The following XRCC6 variants were observed in gnomAD, a reference collection of about 807,000 sequenced individuals.
The protein encoded by XRCC6 is X-ray repair cross complementing 6.
Under a neutral mutation model 65.7 loss-of-function variants are expected in XRCC6, and 5 were observed. That is an observed-to-expected ratio of 0.08 (90% CI 0.04 to 0.16). XRCC6 has a LOEUF of 0.16. Ranked by LOEUF, XRCC6 falls within the 10% of genes least tolerant of loss-of-function variation. XRCC6 has a pLI of 1.00. For missense variants in XRCC6, 447 were observed against 738.1 expected, an observed-to-expected ratio of 0.61 and a Z score of 4.57; for synonymous variants, 270 against 270.6, an observed-to-expected ratio of 1.00 and a Z score of 0.02.
intron 2 of XRCC6, 134 bp from the exon 3 acceptor site, chr22:41,627,984 G>A (rs1001534322): frequency 5.6e-6 from 3 of 533,364 alleles, no homozygotes; most frequent in Non-Finnish European, 3.2e-6. Context: ...TCCTGACATA[G>A]GTGGAGATTT....
Position 41,653,516 on chromosome 22 carries a change from T to C in XRCC6, c.1130-13T>C. The C allele has an allele frequency of 6.4e-7, 1 of 1,557,978 alleles. No homozygotes were observed. The highest frequency in any genetic ancestry group is 2.3e-5 in the East Asian group (1 of 43,750). ...TTTTTAGGAGGCTAGTCACTGGGCT[T>C]TTTGTTTTCTAGGGAGCTCAACCCT... is the stretch of plus-strand genomic sequence containing the variant. On this transcript the variant is annotated splice_polypyrimidine_tract_variant and intron_variant, in intron 8 of 12. Coordinates refer to ENST00000360079, the MANE Select transcript of XRCC6 (RefSeq NM_001469.5).
Position 41,622,102 on chromosome 22 carries a change from A to G in XRCC6, c.82+16A>G, listed in dbSNP as rs770865015. 3 of 1,613,748 alleles carry G rather than the reference A, an allele frequency of 1.9e-6. No homozygotes were observed. Among genetic ancestry groups the G allele is most frequent in the African/African-American group, 2.7e-5 (2 of 75,066 alleles). ...GAAGCAAGTGGTAAGTGACTTCAGCATGTAGTGCCATTCGGTGTGTGGAAG... is the reference window on the plus strand; with the variant it reads ...GAAGCAAGTGGTAAGTGACTTCAGCGTGTAGTGCCATTCGGTGTGTGGAAG... On this transcript the variant is annotated intron_variant, in intron 2 of 12. Coordinates refer to ENST00000360079, the MANE Select transcript of XRCC6 (RefSeq NM_001469.5).
intron 1 of XRCC6, 36 bp from the exon 2 acceptor site, chr22:41,621,951 TAAA>T: frequency 3.7e-6 from 6 of 1,602,496 alleles, no homozygotes; most frequent in Admixed American, 3.3e-5. Context: ...TTTTTCGATT[TAAA>T]TTTGCCTGTT....
intron 11 of XRCC6, among the ~76,000 whole-genome samples, chr22:41,659,524 G>A (rs2068080665): frequency 6.6e-6 from 1 of 151,624 alleles, no homozygotes. Flanking sequence ...GTTTTTATTA[G>A]TGATTGGGTT....
At chr22:41,635,435 T>G (rs58283133) in intron 3 of XRCC6, among the ~76,000 whole-genome samples, 1 of 152,206 alleles carries the variant, frequency 6.6e-6, no homozygotes, top group East Asian at 1.9e-4. Context: ...CTGTCCAAAT[T>G]CAGCCAGTTA....
intron 3 of XRCC6, among the ~76,000 whole-genome samples, chr22:41,629,535 C>G (rs1026815268): frequency 3.9e-5 from 6 of 152,116 alleles, no homozygotes; most frequent in African/African-American, 1.4e-4. Flanking sequence ...ACCTGAGGCA[C>G]AGGGAAGAGA....
At chr22:41,647,672 C>G (rs2067948031) in intron 7 of XRCC6, among the ~76,000 whole-genome samples, 1 of 152,066 alleles carries the variant, frequency 6.6e-6, no homozygotes, top group African/African-American at 2.4e-5. Flanking sequence ...CTTTGGCTTC[C>G]CGAAGTGCTG....
At chr22:41,649,616 A>G (rs1229954258) in intron 7 of XRCC6, among the ~76,000 whole-genome samples, 1 of 151,910 alleles carries the variant, frequency 6.6e-6, no homozygotes, top group Admixed American at 6.6e-5. Context: ...GCACTTTGGG[A>G]GGCTGAGGCG....
At chr22:41,643,820 CAA>C (rs1209911371) in intron 6 of XRCC6, among the ~76,000 whole-genome samples, 46 of 79,598 alleles carry the variant, frequency 5.8e-4, no homozygotes, top group Admixed American at 1.2e-3. Flanking sequence ...GACTCCATCT[CAA>C]AAAAAAAAAA....
At chr22:41,649,139 A>AAAAATATAT in intron 7 of XRCC6, among the ~76,000 whole-genome samples, 2 of 88,726 alleles carry the variant, frequency 2.3e-5, no homozygotes, top group Non-Finnish European at 4.1e-5. Flanking sequence ...AAAAAAAAAA[A>AAAAATATAT]ATATATATAT....
At position 41,622,074 on chromosome 22, in the gene XRCC6, C is replaced by T. The variant is rs1569075524; in HGVS notation, c.70C>T (p.Leu24Phe). ...AGCAGAGGAAGAACAAGAAGAGAAC[C>T]TTGAAGCAAGTGGTAAGTGACTTCA... Reference protein sequence around the residue: ...EEAEEEQEENLEASGDYKYSG... With the variant: ...EEAEEEQEENFEASGDYKYSG... Residue 24 changes from leucine to phenylalanine, a missense_variant, in exon 2 of 13, where the codon CTT becomes TTT. By Grantham distance (22) the Leu-to-Phe change is conservative. Transcript: ENST00000360079. 2 of 1,614,204 alleles carry T rather than the reference C, an allele frequency of 1.2e-6. No individual in the cohort carries two copies. The highest frequency in any genetic ancestry group is 2.2e-5 in the South Asian group (2 of 91,086).
intron 1 of XRCC6, chr22:41,621,651 C>T (rs2067606211): frequency 4.7e-6 from 1 of 214,104 alleles, no homozygotes. Context: ...GGTTTTTGGG[C>T]GGTATTGAGG....
chr22:41,653,572 G>A lies in XRCC6; in HGVS notation c.1173G>A (p.Glu391=), dbSNP rs538452833. 9.9e-6 allele frequency: 16 copies of A among 1,613,954 alleles called. No individual in the cohort carries two copies. In the African/African-American group the frequency reaches 2.1e-4, roughly 22 times the overall value. The change falls in exon 9 of 13, where the codon GAG becomes GAA. Residue 391 remains glutamate, a synonymous_variant. Transcript: ENST00000360079. ...GTGCTCTGCTCATCAAGTGTCTGGA[G>A]AAGGAGGTTGCAGCATTGTGCAGAT... ...LFSALLIKCL[E]KEVAALCRYT...
intron 3 of XRCC6, among the ~76,000 whole-genome samples, chr22:41,628,541 G>A (rs1387817276): frequency 6.6e-6 from 1 of 152,148 alleles, no homozygotes; most frequent in Non-Finnish European, 1.5e-5. Context: ...GAAGTATAAA[G>A]GAAGAAGGGA....
chr22:41,637,332 C>A (rs2067820372), intron 5 of XRCC6, among the ~76,000 whole-genome samples: 1 of 152,156 alleles, frequency 6.6e-6, no homozygotes, highest in South Asian at 2.1e-4. Flanking sequence ...TGATCCACCA[C>A]CTCGCCCTCC....
At position 41,633,215 on chromosome 22, in the gene XRCC6, G is replaced by T. The variant is rs181067380; in HGVS notation, c.196-2898G>T. On this transcript the variant is annotated intron_variant, in intron 3 of 12. Transcript: ENST00000360079. ...AAGTGGTTCTCAAACAGAATTACTT[G>T]CAGGACATTAAAACACAGACTACAG... 2.6e-5 allele frequency among the ~76,000 whole-genome samples: 4 copies of T among 152,228 alleles called. No homozygotes were observed. The East Asian group carries it at 7.7e-4, about 29-fold the overall frequency.
In XRCC6 at chr22:41,622,715, C is replaced by T. The variant is rs925348485; in HGVS notation, c.82+629C>T. Among the ~76,000 whole-genome samples, 5 of 152,022 alleles carry T rather than the reference C, an allele frequency of 3.3e-5. No homozygotes were observed. The East Asian group carries it at 5.8e-4, about 18-fold the overall frequency. On this transcript the variant is annotated intron_variant, in intron 2 of 12. Transcript: ENST00000360079. ...CAGCACTTTGGGAGGCCGAGGCGGGCGGATCACGATGTCAGGAGATCAAGA... is the reference window on the plus strand; with the variant it reads ...CAGCACTTTGGGAGGCCGAGGCGGGTGGATCACGATGTCAGGAGATCAAGA...
At chr22:41,650,601 G>C in intron 7 of XRCC6, 122 bp from the exon 8 acceptor site, 1 of 987,316 alleles carries the variant, frequency 1.0e-6, no homozygotes, top group Non-Finnish European at 1.5e-6. Context: ...GATGCCCCAG[G>C]TGAGCCATCT....
Position 41,622,070 on chromosome 22 carries a change from G to C in XRCC6, c.66G>C (p.Glu22Asp), listed in dbSNP as rs769585677. 1.2e-6 allele frequency: 2 copies of C among 1,614,228 alleles called. No individual in the cohort carries two copies. Among genetic ancestry groups the C allele is most frequent in the Non-Finnish European group, 8.5e-7 (1 of 1,180,036 alleles). The change falls in exon 2 of 13, where the codon GAG (glutamate) becomes GAC (aspartate). Residue 22 changes from glutamate to aspartate, a missense_variant. By Grantham distance (45) the Glu-to-Asp change is conservative. Coordinates refer to ENST00000360079, the MANE Select transcript of XRCC6 (RefSeq NM_001469.5). The part of the protein sequence containing the change: ...GDEEAEEEQE[E>D]NLEASGDYKY... ...AAGAAGCAGAGGAAGAACAAGAAGAGAACCTTGAAGCAAGTGGTAAGTGAC... is the reference window on the plus strand; with the variant it reads ...AAGAAGCAGAGGAAGAACAAGAAGACAACCTTGAAGCAAGTGGTAAGTGAC...
Sources: allele counts gnomAD v4.1 joint callset (sites outside exome capture counted in the v4.1 genomes callset), GRCh38; gene constraint gnomAD v4.1.1; transcripts MANE v1.5; gene names NCBI Gene and HGNC (gene_info 2026-07-23, HGNC 2026-07-21).